The following WDR93 variants were observed in gnomAD, a reference collection of about 807,000 sequenced individuals.
WDR93 encodes the protein WD repeat domain 93, also known as WD repeat-containing protein 93.
In WDR93, 73 loss-of-function variants were observed where a neutral mutation model predicts 82.9. That is an observed-to-expected ratio of 0.88 (90% CI 0.73 to 1.07). The LOEUF is 1.07. WDR93 is among the 50% of genes least tolerant of loss of function. WDR93 has a pLI of 0.00. For synonymous variants in WDR93, 283 were observed against 300.1 expected, an observed-to-expected ratio of 0.94 and a Z score of 0.59; for missense variants, 738 against 826.0, an observed-to-expected ratio of 0.89 and a Z score of 1.31.
intron 8 of WDR93, among the ~76,000 whole-genome samples, chr15:89,725,753 G>C (rs1966712699): frequency 1.3e-5 from 2 of 151,772 alleles, no homozygotes; most frequent in Non-Finnish European, 2.9e-5. Flanking sequence ...TGTAGAGATG[G>C]GATTTTGCCA....
chr15:89,704,685 T>C (rs1031930534), intron 3 of WDR93: 6 of 152,222 alleles, frequency 3.9e-5, no homozygotes, highest in African/African-American at 1.4e-4. Flanking sequence ...TTTGAACATG[T>C]GCAGACTTGA....
intron 1 of WDR93, among the ~76,000 whole-genome samples, chr15:89,698,600 G>A (rs1197036309): frequency 2.0e-5 from 3 of 151,950 alleles, no homozygotes. Flanking sequence ...TTCTTTAGTG[G>A]TTAATTTAGG....
intron 14 of WDR93, among the ~76,000 whole-genome samples, chr15:89,736,948 C>T (rs530636435): frequency 1.1e-4 from 16 of 152,232 alleles, no homozygotes; most frequent in South Asian, 1.0e-3. Flanking sequence ...CCCGCTAGCA[C>T]GCCAGGCTAA....
chr15:89,699,137 ACTATACCCTGATC>A (rs1219875843), intron 1 of WDR93, among the ~76,000 whole-genome samples: 3 of 152,150 alleles, frequency 2.0e-5, no homozygotes, highest in Admixed American at 2.0e-4. Flanking sequence ...CCTGGGAGCT[ACTATACCCTGATC>A]CTTTTCCTTC....
At chr15:89,691,852 T>C (rs748868577) in intron 1 of WDR93, among the ~76,000 whole-genome samples, 4 of 152,200 alleles carry the variant, frequency 2.6e-5, no homozygotes, top group African/African-American at 9.6e-5. Flanking sequence ...GTTTAAATAT[T>C]TTAGTTATAA....
In WDR93 at chr15:89,723,357, A is replaced by C. The variant is rs150788096; in HGVS notation, c.880+1218A>C. 5.2e-3 allele frequency among the ~76,000 whole-genome samples: 790 copies of C among 152,128 alleles called. 6 individuals are homozygous for C. The highest frequency in any genetic ancestry group is 8.3e-3 in the Non-Finnish European group (563 of 68,002). On this transcript the variant is annotated intron_variant, in intron 8 of 16. Transcript: ENST00000268130. ...TTTGAGAGGCCAAAGGAGGAGGATC[A>C]CTTGAGCCTAGGAAGTTGAGGCTGT...
Position 89,715,033 on chromosome 15 carries a change from A to G in WDR93, c.694A>G (p.Lys232Glu), listed in dbSNP as rs1227288745. The change falls in exon 6 of 17, where the codon AAG (lysine) becomes GAG (glutamate). Residue 232 changes from lysine to glutamate, a missense_variant. Transcript: ENST00000268130. ...VYKLPKETWLKKLEHPQLTSN... is the reference protein window; with the variant it reads ...VYKLPKETWLEKLEHPQLTSN... ...TAAATTGCCCAAGGAGACTTGGCTC[A>G]AGAAACTAGAGCACCCCCAACTCAC... The G allele has an allele frequency of 6.2e-7, 1 of 1,614,130 alleles. No individual in the cohort carries two copies. Among genetic ancestry groups the G allele is most frequent in the Non-Finnish European group, 8.5e-7 (1 of 1,179,992 alleles).
chr15:89,732,754 C>A (rs1048684995), intron 12 of WDR93, among the ~76,000 whole-genome samples: 2 of 152,138 alleles, frequency 1.3e-5, no homozygotes, highest in Non-Finnish European at 2.9e-5. Flanking sequence ...CCAGTGCTGA[C>A]CCTGCCCTCC....
chr15:89,716,661 T>A (rs1966266766), intron 6 of WDR93, among the ~76,000 whole-genome samples: 1 of 152,222 alleles, frequency 6.6e-6, no homozygotes, highest in African/African-American at 2.4e-5. Context: ...TCAACTCTAT[T>A]CATTCAGATT....
chr15:89,712,976 T>C (rs1463939297), intron 5 of WDR93, among the ~76,000 whole-genome samples: 1 of 151,836 alleles, frequency 6.6e-6, no homozygotes, highest in African/African-American at 2.4e-5. Flanking sequence ...ATACAACAAT[T>C]AGCCAGACGT....
intron 11 of WDR93, 47 bp downstream of exon 11, chr15:89,729,816 ACATGTCCTTCTCCAGCTTAGCTAAGAG>A: frequency 1.4e-6 from 2 of 1,469,048 alleles, no homozygotes; most frequent in South Asian, 2.3e-5. Context: ...GGACTTGCAG[ACATGTCCTTCTCCAGCTTAGCTAAGAG>A]CATGTGACTG....
At chr15:89,733,507 G>A (rs1966917605) in intron 13 of WDR93, among the ~76,000 whole-genome samples, 1 of 152,182 alleles carries the variant, frequency 6.6e-6, no homozygotes, top group Admixed American at 6.5e-5. Context: ...GCCTTTAGGA[G>A]ATGATTGGAT....
At chr15:89,740,875 C>T (rs557295576) in intron 16 of WDR93, among the ~76,000 whole-genome samples, 14 of 152,054 alleles carry the variant, frequency 9.2e-5, no homozygotes, top group African/African-American at 3.4e-4. Flanking sequence ...CGCGGTGGCT[C>T]ACACCTGTAA....
chr15:89,713,494 A>G (rs1966095619), intron 5 of WDR93, among the ~76,000 whole-genome samples: 1 of 150,886 alleles, frequency 6.6e-6, no homozygotes, highest in Non-Finnish European at 1.5e-5. Context: ...TTTTTTTGAG[A>G]AGGAGTCTTG....
intron 14 of WDR93, 41 bp downstream of exon 14, chr15:89,735,594 C>G (rs1967103750): frequency 6.3e-7 from 1 of 1,582,118 alleles, no homozygotes; most frequent in Non-Finnish European, 8.7e-7. Flanking sequence ...CCATGCCTCT[C>G]ATTTCTCTTC....
In WDR93 at chr15:89,705,567, C is replaced by G. The variant is rs888486049; in HGVS notation, c.510C>G (p.Leu170=). The part of the protein sequence containing the change: ...APVDEMGIIR[L]FYFYKEGLYL... ...TTTCTGTTTCAGGTATCATTAGACT[C>G]TTTTATTTTTATAAGGAAGGACTTT... Residue 170 remains leucine (L), a synonymous_variant, in exon 4 of 17, where the codon CTC becomes CTG. Transcript: ENST00000268130. 2 of 1,548,818 alleles carry G rather than the reference C, an allele frequency of 1.3e-6. No individual in the cohort carries two copies. The highest frequency in any genetic ancestry group is 1.7e-5 in the Admixed American group (1 of 59,894).
Position 89,733,076 on chromosome 15 carries a change from C to T in WDR93, c.1401C>T (p.Phe467=). The part of the protein sequence containing the change: ...FCQSIHFLKY[F]SVHKGQNMYP... The stretch of plus-strand genomic sequence containing the variant: ...AAAGCATTCACTTCCTAAAATATTT[C>T]TCGGTCCACAAAGGACAGAATATGT... The change falls in exon 13 of 17, where the codon TTC becomes TTT. Residue 467 remains phenylalanine (F), a synonymous_variant. Transcript: ENST00000268130. The T allele has an allele frequency of 6.2e-7, 1 of 1,614,144 alleles. No individual in the cohort carries two copies. Among genetic ancestry groups the T allele is most frequent in the Non-Finnish European group, 8.5e-7 (1 of 1,180,016 alleles).
rs1325132783 is a variant in WDR93, at chr15:89,727,156, G to A, written c.881-1G>A. Reference sequence around the variant, plus strand: ...CTAATTCTGTAATATTTTCAACCTAGGCACCACATTCAAAAGCCCCCTGGA... The same window carrying A: ...CTAATTCTGTAATATTTTCAACCTAAGCACCACATTCAAAAGCCCCCTGGA... On this transcript the variant is annotated splice_acceptor_variant, in intron 8 of 16. Coordinates refer to ENST00000268130, the MANE Select transcript of WDR93 (RefSeq NM_020212.2). LOFTEE classifies it high-confidence loss of function. 1 of 1,613,174 alleles carries A rather than the reference G, an allele frequency of 6.2e-7. No individual in the cohort carries two copies. The highest frequency in any genetic ancestry group is 1.1e-5 in the South Asian group (1 of 91,018).
intron 16 of WDR93, among the ~76,000 whole-genome samples, chr15:89,742,941 A>C (rs957213346): frequency 6.6e-6 from 1 of 152,244 alleles, no homozygotes; most frequent in Non-Finnish European, 1.5e-5. Flanking sequence ...TAATGTCCTC[A>C]ATAGTCATCC....
Sources: gnomAD v4.1 joint callset for allele counts (sites outside exome capture counted in the v4.1 genomes callset) on GRCh38, gnomAD v4.1.1 for gene constraint, MANE v1.5 for transcripts, NCBI Gene and HGNC (gene_info 2026-07-23, HGNC 2026-07-21) for gene names.